ULK4: variants seen among roughly 807,000 people sequenced by gnomAD.
ULK4 encodes the protein unc-51 like kinase 4, also known as inactive serine/threonine-protein kinase ULK4.
Under a neutral mutation model 160.6 loss-of-function variants are expected in ULK4, and 133 were observed. That is an observed-to-expected ratio of 0.83 (90% confidence interval 0.72 to 0.96). ULK4 has a LOEUF of 0.96. Among genes scored for constraint, ULK4 ranks in the 40% least tolerant of loss-of-function variants. The pLI is 0.00. For missense variants in ULK4, 1,580 were observed against 1,499.5 expected (o/e 1.05, Z -0.89); for synonymous variants, 534 against 539.8 (o/e 0.99, Z 0.15).
intron 18 of ULK4, among the ~76,000 whole-genome samples, chr3:41,821,104 G>A (rs1326273491): frequency 6.6e-6 from 1 of 152,046 alleles, no homozygotes; most frequent in Non-Finnish European, 1.5e-5. Flanking sequence ...TTCACTCCCA[G>A]CCACTTAGAA....
intron 2 of ULK4, among the ~76,000 whole-genome samples, chr3:41,953,285 C>CACACACATATAT (rs374288098): frequency 2.3e-5 from 2 of 85,928 alleles, no homozygotes; most frequent in East Asian, 3.7e-4. Context: ...CATATATACA[C>CACACACATATAT]ATATATATAT....
At chr3:41,524,061 T>C (rs951723314) in intron 32 of ULK4, among the ~76,000 whole-genome samples, 3 of 152,216 alleles carry the variant, frequency 2.0e-5, no homozygotes, top group Non-Finnish European at 2.9e-5. Context: ...TTCTATGATA[T>C]GTCCAGAATA....
At chr3:41,913,439 G>C (rs191292125) in intron 8 of ULK4, among the ~76,000 whole-genome samples, 369 of 152,122 alleles carry the variant, frequency 2.4e-3, no homozygotes, top group African/African-American at 7.9e-3. Context: ...GTTATCCAGG[G>C]TGGTCTCGAT....
chr3:41,911,262 T>C, intron 11 of ULK4, 55 bp downstream of exon 11: 1 of 1,558,702 alleles, frequency 6.4e-7, no homozygotes, highest in Non-Finnish European at 8.8e-7. Flanking sequence ...AGCAGATGCT[T>C]TAAGAAAATT....
intron 30 of ULK4, among the ~76,000 whole-genome samples, chr3:41,631,932 C>T (rs1484602419): frequency 2.0e-5 from 3 of 152,174 alleles, no homozygotes; most frequent in East Asian, 1.9e-4. Flanking sequence ...GGGCTTTGGC[C>T]TCTCACTCCC....
chr3:41,564,167 T>C (rs1484445402), intron 32 of ULK4, among the ~76,000 whole-genome samples: 1 of 152,192 alleles, frequency 6.6e-6, no homozygotes, highest in Non-Finnish European at 1.5e-5. Flanking sequence ...CTCCAGACCC[T>C]GTTTGCCTGG....
chr3:41,802,861 C>T (rs1208488409), intron 19 of ULK4, among the ~76,000 whole-genome samples: 2 of 152,022 alleles, frequency 1.3e-5, no homozygotes, highest in African/African-American at 4.8e-5. Context: ...GAGTTACACA[C>T]TGTTAAATAA....
chr3:41,927,974 G>T lies in ULK4; in HGVS notation c.541+3870C>A, dbSNP rs57328957. Among the ~76,000 whole-genome samples the T allele has an allele frequency of 1.2e-4, 18 of 152,190 alleles. No individual in the cohort carries two copies. In the East Asian group the frequency reaches 3.5e-3, roughly 29 times the overall value. On this transcript the variant is annotated intron_variant, in intron 5 of 36. Coordinates refer to ENST00000301831, the MANE Select transcript of ULK4 (RefSeq NM_017886.4). ...AGACAGAAAATTACAAGGATATTCA[G>T]ACCTGAACTCAGCTCTGGACCAAGC...
chr3:41,705,601 A>C (rs2036850367), intron 25 of ULK4, among the ~76,000 whole-genome samples: 1 of 151,706 alleles, frequency 6.6e-6, no homozygotes, highest in Non-Finnish European at 1.5e-5. Context: ...GGTTCAAGTG[A>C]TTCTCCCACC....
rs572508317 is a variant in ULK4 at position 41,376,862 on chromosome 3, T to A, written c.3678+21217A>T. Among the ~76,000 whole-genome samples, 25 of 149,906 alleles carry A rather than the reference T, an allele frequency of 1.7e-4. 1 individual carries two copies. Among genetic ancestry groups the A allele is most frequent in the Non-Finnish European group, 2.9e-4 (20 of 67,994 alleles). ...CTACCAATGACTTTCTTCACAGAAT[T>A]GGAAAAAACTACTTTCAAGTTCATA... On this transcript the variant is annotated intron_variant, in intron 35 of 36. Transcript: ENST00000301831.
At chr3:41,950,639 T>G (rs1432685401) in intron 2 of ULK4, among the ~76,000 whole-genome samples, 1 of 151,986 alleles carries the variant, frequency 6.6e-6, no homozygotes, top group Non-Finnish European at 1.5e-5. Context: ...TTCGCCTGCC[T>G]CGGTCTCTCC....
intron 32 of ULK4, among the ~76,000 whole-genome samples, chr3:41,479,544 A>G (rs978994278): frequency 1.3e-5 from 2 of 152,156 alleles, no homozygotes; most frequent in African/African-American, 2.4e-5. Flanking sequence ...CTGGATTTGG[A>G]CAGGTAGAAT....
At chr3:41,342,269 G>C (rs1559533999) in intron 35 of ULK4, among the ~76,000 whole-genome samples, 1 of 152,172 alleles carries the variant, frequency 6.6e-6, no homozygotes, top group African/African-American at 2.4e-5. Flanking sequence ...AGTTTCCGGA[G>C]AGAGATCAGA....
intron 34 of ULK4, among the ~76,000 whole-genome samples, chr3:41,422,130 T>C (rs1037640984): frequency 1.3e-5 from 2 of 152,156 alleles, no homozygotes; most frequent in Non-Finnish European, 2.9e-5. Flanking sequence ...ATATTCTGTG[T>C]CATAAATAGT....
chr3:41,529,728 A>T (rs1474274170), intron 32 of ULK4, among the ~76,000 whole-genome samples: 1 of 152,198 alleles, frequency 6.6e-6, no homozygotes, highest in Admixed American at 6.5e-5. Context: ...CCTGGCCTCA[A>T]GCAATCCACC....
intron 32 of ULK4, among the ~76,000 whole-genome samples, chr3:41,522,249 C>T (rs74486987): frequency 0.054 from 8,161 of 151,488 alleles, 693 homozygotes; most frequent in African/African-American, 0.19. Context: ...GCCTCAGCCT[C>T]CCAACCTGTA....
intron 17 of ULK4, among the ~76,000 whole-genome samples, chr3:41,864,878 T>C (rs1199952386): frequency 6.6e-6 from 1 of 152,164 alleles, no homozygotes; most frequent in Non-Finnish European, 1.5e-5. Flanking sequence ...CAGTTGGCCT[T>C]TCTCCAACCT....
chr3:41,529,615 G>A (rs927217708), intron 32 of ULK4, among the ~76,000 whole-genome samples: 1 of 152,120 alleles, frequency 6.6e-6, no homozygotes, highest in South Asian at 2.1e-4. Context: ...CTCCCATGTA[G>A]CTGGGACTAC....
intron 21 of ULK4, among the ~76,000 whole-genome samples, chr3:41,772,948 A>C (rs2039451943): frequency 6.6e-6 from 1 of 152,252 alleles, no homozygotes. Flanking sequence ...TCCAGCATAT[A>C]AACAGAACCA....
Sources: gnomAD v4.1 joint callset for allele counts (sites outside exome capture counted in the v4.1 genomes callset) on GRCh38, gnomAD v4.1.1 for gene constraint, MANE v1.5 for transcripts, NCBI Gene and HGNC (gene_info 2026-07-23, HGNC 2026-07-21) for gene names.